Variants in ST14 observed in about 807,000 individuals in gnomAD.
ST14 encodes the protein suppressor of tumorigenicity 14 protein.
In ST14, 40 loss-of-function variants were observed where a neutral mutation model predicts 96.5. The ratio of observed to expected loss-of-function variants is 0.41; its 90% CI spans 0.32 to 0.54. The LOEUF is 0.54. Among genes scored for constraint, ST14 ranks in the 20% least tolerant of loss-of-function variants. ST14 has a pLI of 0.17. For missense variants in ST14, 1,066 were observed against 1,188.9 expected (o/e 0.90, Z 1.52); for synonymous variants, 506 against 492.1 (o/e 1.03, Z -0.37).
At chr11:130,192,689 G>C (rs985750368) in intron 7 of ST14, among the ~76,000 whole-genome samples, 1 of 152,194 alleles carries the variant, frequency 6.6e-6, no homozygotes, top group Admixed American at 6.5e-5. Flanking sequence ...ACAGCACCCG[G>C]CCAAATTTTT....
chr11:130,210,205 T>A lies in ST14; in HGVS notation c.*382T>A. 1 of 216,424 alleles carries A rather than the reference T, an allele frequency of 4.6e-6. No homozygotes were observed. Among genetic ancestry groups the A allele is most frequent in the African/African-American group, 2.3e-5 (1 of 43,764 alleles). The allele number at this position is 216,424 out of a possible 1,614,324, so 13.4% of individuals were successfully genotyped here. A position where few individuals can be genotyped will look rare whatever the true frequency, so the allele number is the denominator to read the frequency against. On this transcript the variant is annotated 3_prime_UTR_variant, in exon 19 of 19. Transcript: ENST00000278742. The stretch of plus-strand genomic sequence containing the variant: ...GTGAAGGTGGTGGGGCTGCCGGATC[T>A]GGGCTGTGGGGCCCTTGGGCCACGC...
At chr11:130,198,049 T>A in intron 12 of ST14, 104 bp downstream of exon 12, 2 of 1,237,828 alleles carry the variant, frequency 1.6e-6, no homozygotes, top group Non-Finnish European at 2.3e-6. Context: ...CCGGAGGTGG[T>A]GGGAGTTTTT....
At chr11:130,193,359 G>A (rs1483706650) in intron 7 of ST14, among the ~76,000 whole-genome samples, 3 of 152,116 alleles carry the variant, frequency 2.0e-5, no homozygotes, top group South Asian at 2.1e-4. Flanking sequence ...TTATAGGCCC[G>A]ACCTTGGCAT....
intron 1 of ST14, among the ~76,000 whole-genome samples, chr11:130,178,354 T>C (rs375087031): frequency 2.4e-4 from 22 of 91,584 alleles, no homozygotes; most frequent in Non-Finnish European, 3.9e-4. Context: ...ATGGTGTCAG[T>C]GAAGAGGGCA....
intron 1 of ST14, among the ~76,000 whole-genome samples, chr11:130,173,589 C>A (rs1193409644): frequency 6.8e-6 from 1 of 146,316 alleles, no homozygotes; most frequent in Non-Finnish European, 1.5e-5. Context: ...GAGCGAGACT[C>A]TGTCTCAAAA....
At chr11:130,163,899 A>G (rs1409426787) in intron 1 of ST14, among the ~76,000 whole-genome samples, 1 of 152,200 alleles carries the variant, frequency 6.6e-6, no homozygotes, top group African/African-American at 2.4e-5. Context: ...GCCTGTTGCC[A>G]CGTTGTCACC....
chr11:130,178,801 C>A (rs373629943), intron 1 of ST14, among the ~76,000 whole-genome samples: 2 of 152,030 alleles, frequency 1.3e-5, no homozygotes, highest in Non-Finnish European at 2.9e-5. Context: ...CGGCTGAGGG[C>A]GGCGACGGGT....
At chr11:130,161,476 T>C (rs1952997907) in intron 1 of ST14, among the ~76,000 whole-genome samples, 1 of 152,210 alleles carries the variant, frequency 6.6e-6, no homozygotes, top group Non-Finnish European at 1.5e-5. Context: ...TCTAGGACTC[T>C]CCTGCCCACA....
chr11:130,185,436 T>C (rs1296968119), intron 1 of ST14, among the ~76,000 whole-genome samples: 1 of 152,178 alleles, frequency 6.6e-6, no homozygotes, highest in Non-Finnish European at 1.5e-5. Context: ...AAGGATAGCT[T>C]GAAGCCAGGA....
intron 17 of ST14, among the ~76,000 whole-genome samples, chr11:130,209,207 C>T (rs1408640127): frequency 6.6e-6 from 1 of 152,166 alleles, no homozygotes; most frequent in African/African-American, 2.4e-5. Context: ...CTCACCCCTG[C>T]TTGCCACGGC....
At chr11:130,168,263 G>T (rs1432402231) in intron 1 of ST14, among the ~76,000 whole-genome samples, 1 of 152,220 alleles carries the variant, frequency 6.6e-6, no homozygotes, top group Non-Finnish European at 1.5e-5. Context: ...ACGCTAGTCA[G>T]ACCTCTTGTG....
chr11:130,199,150 TCCCGCCA>T (rs1392069866), intron 15 of ST14, 81 bp downstream of exon 15: 11 of 1,411,294 alleles, frequency 7.8e-6, no homozygotes, highest in Non-Finnish European at 9.7e-6. Context: ...GGAGGTGCAA[TCCCGCCA>T]GCACCTCACT....
intron 9 of ST14, among the ~76,000 whole-genome samples, chr11:130,195,969 C>G (rs2136215945): frequency 6.6e-6 from 1 of 152,002 alleles, no homozygotes; most frequent in African/African-American, 2.4e-5. Flanking sequence ...CCAGCCTGAC[C>G]AACATGGTGA....
intron 16 of ST14, among the ~76,000 whole-genome samples, chr11:130,205,704 TTTTTTTG>T (rs1205838595): frequency 5.8e-5 from 5 of 86,312 alleles, no homozygotes; most frequent in Non-Finnish European, 1.4e-4. Flanking sequence ...TAGACGTTTT[TTTTTTTG>T]TTTTTTTTTT....
At chr11:130,192,002 A>G (rs972043499) in intron 7 of ST14, among the ~76,000 whole-genome samples, 1 of 152,206 alleles carries the variant, frequency 6.6e-6, no homozygotes, top group African/African-American at 2.4e-5. Context: ...GCAGGGCCTC[A>G]GATGTCAAAG....
At chr11:130,177,370 C>T (rs1431392657) in intron 1 of ST14, among the ~76,000 whole-genome samples, 3 of 151,720 alleles carry the variant, frequency 2.0e-5, no homozygotes. Flanking sequence ...CAAGACCATC[C>T]TGGCAAACAT....
chr11:130,164,930 T>C (rs1953029563), intron 1 of ST14, among the ~76,000 whole-genome samples: 1 of 151,792 alleles, frequency 6.6e-6, no homozygotes, highest in Non-Finnish European at 1.5e-5. Flanking sequence ...AGAGATGGGG[T>C]TTCTCCATGT....
chr11:130,208,437 C>G lies in ST14; in HGVS notation c.2022C>G (p.Ala674=). The G allele has an allele frequency of 1.2e-6, 2 of 1,614,154 alleles. No individual in the cohort carries two copies. Among genetic ancestry groups the G allele is most frequent in the Non-Finnish European group, 8.5e-7 (1 of 1,180,042 alleles). The change falls in exon 17 of 19, where the codon GCC becomes GCG. Residue 674 remains alanine, a synonymous_variant. Transcript: ENST00000278742. ...ACTCAGACCCCACGCAGTGGACGGC[C>G]TTCCTGGGCTTGCACGACCAGAGCC... ...FRYSDPTQWT[A]FLGLHDQSQR...
chr11:130,170,737 G>A (rs1953084552), intron 1 of ST14, among the ~76,000 whole-genome samples: 1 of 152,090 alleles, frequency 6.6e-6, no homozygotes, highest in African/African-American at 2.4e-5. Context: ...GGGAGCCAGT[G>A]CCCTTAGACC....
Sources: gnomAD v4.1 joint callset for allele counts (sites outside exome capture counted in the v4.1 genomes callset) on GRCh38, gnomAD v4.1.1 for gene constraint, MANE v1.5 for transcripts, NCBI Gene and HGNC (gene_info 2026-07-23, HGNC 2026-07-21) for gene names.